BAALC: variants seen among roughly 807,000 people sequenced by gnomAD.
BAALC encodes the protein brain and acute leukemia cytoplasmic protein.
In BAALC, 9 loss-of-function variants were observed where a neutral mutation model predicts 15.5. The ratio of observed to expected loss-of-function variants is 0.58; its 90% CI spans 0.35 to 1.02. BAALC has a LOEUF of 1.02. Among genes scored for constraint, BAALC ranks in the 50% least tolerant of loss-of-function variants. The pLI, the probability that BAALC is intolerant of heterozygous loss-of-function variation, is 0.02. For synonymous variants in BAALC, 80 were observed against 74.6 expected (o/e 1.07, Z -0.37); for missense variants, 201 against 192.4 (o/e 1.04, Z -0.27).
In BAALC at chr8:103,140,920, C is replaced by A. The variant is rs905433869; in HGVS notation, c.23C>A (p.Ala8Glu). ...AGGATGGGCTGCGGCGGGAGCCGGG[C>A]GGATGCCATCGAGCCCCGCTACTAC... MGCGGSRADAIEPRYYES... is the reference protein window; with the variant it reads MGCGGSREDAIEPRYYES... Residue 8 changes from alanine to glutamate, a missense_variant, in exon 1 of 3, where the codon GCG (alanine) becomes GAG (glutamate). Transcript: ENST00000309982. The surrounding 1 kb of genome is among the most constrained non-coding windows in gnomAD (Gnocchi z 4.2). The A allele has an allele frequency of 1.3e-6, 2 of 1,520,592 alleles. No homozygotes were observed. The highest frequency in any genetic ancestry group is 2.5e-5 in the South Asian group (2 of 81,608). The allele number at this position is 1,520,592 out of a possible 1,614,324, so 94.2% of individuals were successfully genotyped here.
chr8:103,141,298 T>C, intron 1 of BAALC: 1 of 453,288 alleles, frequency 2.2e-6, no homozygotes, highest in Admixed American at 4.5e-5. Context: ...CCAATGCTCT[T>C]TGGCCTTGTC....
At chr8:103,173,634 C>G (rs1450654404) in intron 1 of BAALC, among the ~76,000 whole-genome samples, 1 of 152,166 alleles carries the variant, frequency 6.6e-6, no homozygotes, top group Non-Finnish European at 1.5e-5. Flanking sequence ...AAGTGTCTGG[C>G]ATGTAGTAGG....
intron 2 of BAALC, among the ~76,000 whole-genome samples, chr8:103,227,482 A>G (rs1046922591): frequency 6.6e-6 from 1 of 152,210 alleles, no homozygotes; most frequent in African/African-American, 2.4e-5. Flanking sequence ...ATTTCACCCC[A>G]TGTAAATTAA....
At chr8:103,190,294 A>G (rs114667005) in intron 1 of BAALC, among the ~76,000 whole-genome samples, 115 of 152,054 alleles carry the variant, frequency 7.6e-4, no homozygotes, top group African/African-American at 2.7e-3. Context: ...CACTTCCTGA[A>G]TCTCTCCCTC....
intron 1 of BAALC, among the ~76,000 whole-genome samples, chr8:103,182,752 C>T (rs76154171): frequency 0.017 from 2,595 of 152,254 alleles, 61 homozygotes; most frequent in African/African-American, 0.056. Context: ...AGAACTTTCA[C>T]GGATAAGCTT....
chr8:103,217,230 A>G (rs1341675925), intron 2 of BAALC, among the ~76,000 whole-genome samples: 2 of 152,250 alleles, frequency 1.3e-5, no homozygotes, highest in Non-Finnish European at 2.9e-5. Context: ...TATTTAAAAG[A>G]TAATCAGTGG....
intron 1 of BAALC, among the ~76,000 whole-genome samples, chr8:103,201,346 T>G (rs889914978): frequency 1.3e-5 from 2 of 152,100 alleles, no homozygotes; most frequent in African/African-American, 4.8e-5. Context: ...CCCAGGCACC[T>G]GTTGGTCACC....
intron 1 of BAALC, among the ~76,000 whole-genome samples, chr8:103,167,292 C>T (rs1283282047): frequency 6.6e-6 from 1 of 152,172 alleles, no homozygotes; most frequent in Non-Finnish European, 1.5e-5. Context: ...TAGTCCTAGG[C>T]ACTCAGGCTA....
At chr8:103,190,573 G>T (rs951002791) in intron 1 of BAALC, among the ~76,000 whole-genome samples, 6 of 152,198 alleles carry the variant, frequency 3.9e-5, no homozygotes, top group African/African-American at 1.4e-4. Context: ...AATGGAATAT[G>T]AATGGGACTT....
chr8:103,193,371 A>C (rs1336006616), intron 1 of BAALC, among the ~76,000 whole-genome samples: 3 of 152,296 alleles, frequency 2.0e-5, no homozygotes, highest in Non-Finnish European at 4.4e-5. Context: ...ATCCTGGCCA[A>C]CTTGGCAGAG....
chr8:103,183,710 C>G (rs1025746399), intron 1 of BAALC, among the ~76,000 whole-genome samples: 4 of 152,180 alleles, frequency 2.6e-5, no homozygotes, highest in African/African-American at 7.2e-5. Flanking sequence ...CTGCTCCATA[C>G]CTGCTCATGA....
Position 103,228,068 on chromosome 8 carries a change from G to T in BAALC, c.407G>T (p.Ser136Ile). ...GATAGCATCCAACAGATGGACAGAA[G>T]TCGAAGAATCACAAAGAACTGTGTC... ...VTDSIQQMDR[S>I]RRITKNCVN is the part of the protein sequence containing the mutation. Residue 136 changes from serine to isoleucine, a missense_variant, in exon 3 of 3, where the codon AGT becomes ATT. Ser to Ile is a moderately radical substitution (Grantham distance 142). Transcript: ENST00000309982. 6 of 1,613,314 alleles carry T rather than the reference G, an allele frequency of 3.7e-6. No homozygotes were observed. The highest frequency in any genetic ancestry group is 5.1e-6 in the Non-Finnish European group (6 of 1,179,510).
At position 103,173,157 on chromosome 8, in the gene BAALC, T is replaced by C. The variant is rs200501025; in HGVS notation, c.160+32100T>C. 2.4e-4 allele frequency among the ~76,000 whole-genome samples: 36 copies of C among 152,324 alleles called. No homozygotes were observed. The East Asian group carries it at 6.9e-3, about 29-fold the overall frequency. Reference sequence around the variant, plus strand: ...CTATCACAGTTATTTTTCATTTTAATGGTGACGCCAGCTTTAGCCATCCAC... The same window carrying C: ...CTATCACAGTTATTTTTCATTTTAACGGTGACGCCAGCTTTAGCCATCCAC... On this transcript the variant is annotated intron_variant, in intron 1 of 2. Coordinates refer to ENST00000309982, the MANE Select transcript of BAALC (RefSeq NM_024812.3).
At chr8:103,222,295 T>TTCTCTATAGAATGTGGATTTTTCCCA (rs1812693597) in intron 2 of BAALC, among the ~76,000 whole-genome samples, 1 of 152,074 alleles carries the variant, frequency 6.6e-6, no homozygotes, top group Non-Finnish European at 1.5e-5. Flanking sequence ...GGAAAAAGGA[T>TTCTCTATAGAATGTGGATTTTTCCCA]TCTCTATAGA....
At chr8:103,141,173 G>A in intron 1 of BAALC, 116 bp downstream of exon 1, 1 of 1,227,642 alleles carries the variant, frequency 8.1e-7, no homozygotes, top group Non-Finnish European at 1.1e-6. Flanking sequence ...GGGGTGGCTG[G>A]GAGGAAGCAG....
At chr8:103,195,311 C>T (rs952765204) in intron 1 of BAALC, among the ~76,000 whole-genome samples, 2 of 152,162 alleles carry the variant, frequency 1.3e-5, no homozygotes, top group Non-Finnish European at 2.9e-5. Context: ...CTGAGTTCAG[C>T]GTGATCTTTA....
intron 1 of BAALC, among the ~76,000 whole-genome samples, chr8:103,192,731 C>T (rs761127717): frequency 2.6e-5 from 4 of 152,178 alleles, no homozygotes; most frequent in East Asian, 1.9e-4. Flanking sequence ...GACTCCCTAC[C>T]GCCAGGCTTG....
intron 1 of BAALC, among the ~76,000 whole-genome samples, chr8:103,202,260 T>C (rs1288338651): frequency 6.6e-6 from 1 of 152,128 alleles, no homozygotes; most frequent in African/African-American, 2.4e-5. Context: ...ATAGGGCCTT[T>C]AAAGAGGTAA....
rs1256957575 is a variant in BAALC at position 103,228,136 on chromosome 8, A to C, written c.*37A>C. The stretch of plus-strand genomic sequence containing the variant: ...AGCAGAAGGGCAGATGGACTTCTTC[A>C]GTGTCCTTCACGGCACTGGATCCCA... On this transcript the variant is annotated 3_prime_UTR_variant, in exon 3 of 3. Transcript: ENST00000309982. The C allele has an allele frequency of 2.9e-6, 4 of 1,384,308 alleles. No individual in the cohort carries two copies. The highest frequency in any genetic ancestry group is 4.1e-6 in the Non-Finnish European group (4 of 974,300). 85.8% of individuals were successfully genotyped at this position (1,384,308 alleles called of 1,614,324 possible). A position where few individuals can be genotyped will look rare whatever the true frequency, so the allele number is the denominator to read the frequency against.
Sources: allele counts gnomAD v4.1 joint callset (sites outside exome capture counted in the v4.1 genomes callset), GRCh38; gene constraint gnomAD v4.1.1; non-coding constraint Gnocchi (gnomAD v3.1); transcripts MANE v1.5; gene names NCBI Gene and HGNC (gene_info 2026-07-23, HGNC 2026-07-21).